Variants in DNAJC19 observed in about 807,000 individuals in gnomAD.
DNAJC19 encodes DnaJ heat shock protein family (Hsp40) member C19, also known as mitochondrial import inner membrane translocase subunit TIM14.
DNAJC19 carries 15 observed loss-of-function variants against 19.8 expected under a neutral mutation model. The ratio of observed to expected loss-of-function variants is 0.76; its 90% confidence interval spans 0.51 to 1.17. The LOEUF (loss-of-function observed/expected upper bound fraction) is 1.17, where lower values mean the gene tolerates loss of function less well. Among genes scored for constraint, DNAJC19 ranks in the 50% most tolerant of loss-of-function variants. The probability of loss-of-function intolerance (pLI) is 0.00; values close to 1 mark genes in which losing one functional copy is unlikely to be tolerated. For synonymous variants in DNAJC19, 38 were observed against 42.1 expected, an observed-to-expected ratio of 0.90 and a Z score of 0.38; for missense variants, 105 against 140.9, an observed-to-expected ratio of 0.75 and a Z score of 1.29.
chr3:180,986,422 CA>C (rs1714914393), intron 4 of DNAJC19, among the ~76,000 whole-genome samples: 2 of 151,834 alleles, frequency 1.3e-5, no homozygotes, highest in Non-Finnish European at 2.9e-5. Context: ...GCTGGGATTA[CA>C]GGTGTGTGCC....
At chr3:180,989,345 C>T (rs1715097904) in intron 1 of DNAJC19, 5 of 1,421,014 alleles carry the variant, frequency 3.5e-6, no homozygotes, top group Non-Finnish European at 4.6e-6. Flanking sequence ...ACAGGAGTTC[C>T]AGGCAAGCAA....
In DNAJC19 at chr3:180,984,661, T is replaced by C. The variant is rs776716974; in HGVS notation, c.330A>G (p.Leu110=). 1.2e-6 allele frequency: 2 copies of C among 1,608,034 alleles called. No homozygotes were observed. Among genetic ancestry groups the C allele is most frequent in the South Asian group, 2.2e-5 (2 of 90,548 alleles). Residue 110 remains leucine, a synonymous_variant, in exon 6 of 6, where the codon CTA becomes CTG. Transcript: ENST00000382564. ...AAKINEAKDL[L]EGQAKK ...TACTTCATTTTTTAGCTTGACCTTC[T>C]AGTAAATCTTTAGCTTCATTGATTT...
Position 180,988,035 on chromosome 3 carries a change from G to T in DNAJC19, c.117C>A (p.Ser39Arg). Residue 39 changes from serine to arginine, a missense_variant, in exon 3 of 6, where the codon AGC becomes AGA. By Grantham distance (110) the Ser-to-Arg change is moderately radical. Transcript: ENST00000382564. ...MEPQVKQVFQSLPKSAFSGGY... is the reference protein window; with the variant it reads ...MEPQVKQVFQRLPKSAFSGGY... ...AACAAAGTCTTACAGATTTTGGTAG[G>T]CTTTGAAAAACTTGTTTTACTTGAG... The T allele has an allele frequency of 6.2e-7, 1 of 1,614,148 alleles. No individual in the cohort carries two copies. The highest frequency in any genetic ancestry group is 8.5e-7 in the Non-Finnish European group (1 of 1,180,014).
Position 180,983,931 on chromosome 3 carries a change from C to T in DNAJC19, c.*709G>A, listed in dbSNP as rs1714749572. ...GGGCTAGCTGAATACAATGTAAATA[C>T]TCATGCCTGTAATCCCAGTACTTTG... On this transcript the variant is annotated 3_prime_UTR_variant, in exon 6 of 6. Transcript: ENST00000382564. 4.4e-6 allele frequency: 2 copies of T among 453,862 alleles called. No homozygotes were observed. The highest frequency in any genetic ancestry group is 8.8e-6 in the Non-Finnish European group (2 of 226,762). 28.1% of individuals were successfully genotyped at this position (453,862 alleles called of 1,614,324 possible). A position where few individuals can be genotyped will look rare whatever the true frequency, so the allele number is the denominator to read the frequency against.
rs764813798 is a variant in DNAJC19, at chr3:180,984,724, GAA to G, written c.281-16_281-15del. Reference sequence around the variant, plus strand: ...AAGGAGATCCTCCTATAGGAAGAAAGAAAAAAGAACAGTTACAATATGGATTC... The same window carrying G: ...AAGGAGATCCTCCTATAGGAAGAAAGAAAAGAACAGTTACAATATGGATTC... On this transcript the variant is annotated splice_polypyrimidine_tract_variant and intron_variant, in intron 5 of 5. Coordinates refer to ENST00000382564, the MANE Select transcript of DNAJC19 (RefSeq NM_145261.4). The G allele has an allele frequency of 6.3e-7, 1 of 1,577,198 alleles. No homozygotes were observed.
At chr3:180,989,816 G>A, upstream of DNAJC19, 2 of 806,670 alleles carry the variant, frequency 2.5e-6, no homozygotes, top group Non-Finnish European at 4.2e-6. Flanking sequence ...TCAAGCAGTG[G>A]ACAGAGCGGA....
At chr3:180,987,858 G>T in intron 3 of DNAJC19, 165 bp downstream of exon 3, 2 of 792,146 alleles carry the variant, frequency 2.5e-6, no homozygotes, top group Admixed American at 2.2e-5. Flanking sequence ...ATGTTTCAGG[G>T]TAGCACCATC....
intron 4 of DNAJC19, 136 bp from the exon 5 acceptor site, chr3:180,986,132 TCAAC>T: frequency 1.4e-6 from 1 of 727,554 alleles, no homozygotes; most frequent in Admixed American, 2.2e-5. Flanking sequence ...TTTAGAAACC[TCAAC>T]ACACCCAATG....
In DNAJC19 at chr3:180,989,639, C is replaced by G. The variant is rs1256656930; in HGVS notation, c.-37G>C. 5 of 1,582,550 alleles carry G rather than the reference C, an allele frequency of 3.2e-6. No individual in the cohort carries two copies. In the Admixed American group the frequency reaches 9.0e-5, roughly 28 times the overall value. On this transcript the variant is annotated 5_prime_UTR_variant, in exon 1 of 6. Transcript: ENST00000382564. ...GGCTCCCTTGCTTCCACCGGGAGCA[C>G]GGCTCATCCCAGCTCAGAGGCCGCG...
chr3:180,988,282 C>A, intron 1 of DNAJC19, 53 bp from the exon 2 acceptor site: 1 of 1,602,322 alleles, frequency 6.2e-7, no homozygotes, highest in South Asian at 1.1e-5. Flanking sequence ...CACCCTTTCT[C>A]ATTTTGCCCA....
chr3:180,985,637 G>A, intron 5 of DNAJC19: 1 of 354,796 alleles, frequency 2.8e-6, no homozygotes. Flanking sequence ...AATGGATAAG[G>A]AAAAATTACA....
At chr3:180,988,746 G>A (rs1715043006) in intron 1 of DNAJC19, among the ~76,000 whole-genome samples, 1 of 151,914 alleles carries the variant, frequency 6.6e-6, no homozygotes, top group Admixed American at 6.6e-5. Context: ...GCTCACGCCT[G>A]TAATTCCAGC....
chr3:180,989,292 T>G, intron 1 of DNAJC19: 1 of 1,370,540 alleles, frequency 7.3e-7, no homozygotes, highest in Non-Finnish European at 9.4e-7. Context: ...TATAATCAAA[T>G]ACGTTTCCAC....
At position 180,985,956 on chromosome 3, in the gene DNAJC19, G is replaced by T; in HGVS notation, c.250C>A (p.Arg84=). 1 of 1,613,536 alleles carries T rather than the reference G, an allele frequency of 6.2e-7. No individual in the cohort carries two copies. The highest frequency in any genetic ancestry group is 1.1e-5 in the South Asian group (1 of 91,078). ...NKGKIRDAHR[R]IMLLNHPDKG... is the part of the protein sequence containing the mutation. ...TCAGGATGATTTAAAAGCATAATTC[G>T]TCGATGAGCATCTCTTATTTTCCCT... The change falls in exon 5 of 6, where the codon CGA becomes AGA. Residue 84 remains arginine, a synonymous_variant. Transcript: ENST00000382564.
chr3:180,985,146 A>C (rs1714831966), intron 5 of DNAJC19, among the ~76,000 whole-genome samples: 1 of 152,090 alleles, frequency 6.6e-6, no homozygotes, highest in Non-Finnish European at 1.5e-5. Flanking sequence ...AGTTTGCTTT[A>C]CATCCTTTTT....
chr3:180,985,769 CTT>C, intron 5 of DNAJC19, 155 bp downstream of exon 5: 1 of 669,546 alleles, frequency 1.5e-6, no homozygotes, highest in Non-Finnish European at 2.6e-6. Context: ...CACTTAATTT[CTT>C]TTAAGACACC....
At chr3:180,987,755 T>G in intron 3 of DNAJC19, 1 of 493,198 alleles carries the variant, frequency 2.0e-6, no homozygotes. Flanking sequence ...CAGATGATGC[T>G]GAAGGTGATG....
intron 1 of DNAJC19, among the ~76,000 whole-genome samples, chr3:180,988,867 G>A (rs1204956878): frequency 6.6e-6 from 1 of 151,478 alleles, no homozygotes; most frequent in African/African-American, 2.4e-5. Context: ...AAAATTAGCT[G>A]GGCGTGGTGG....
intron 3 of DNAJC19, 83 bp from the exon 4 acceptor site, chr3:180,987,105 T>TGGAAATAAGACTTTTCTGGA: frequency 8.4e-7 from 1 of 1,183,988 alleles, no homozygotes; most frequent in Non-Finnish European, 1.3e-6. Context: ...TTCACAGAAC[T>TGGAAATAAGACTTTTCTGGA]AAGAAAAACT....
Sources: allele counts gnomAD v4.1 joint callset (sites outside exome capture counted in the v4.1 genomes callset), GRCh38; gene constraint gnomAD v4.1.1; transcripts MANE v1.5; gene names NCBI Gene and HGNC (gene_info 2026-07-23, HGNC 2026-07-21).